Variants in ARHGAP44 observed in about 807,000 individuals in gnomAD.
ARHGAP44 encodes the protein Rho GTPase activating protein 44, also known as rho GTPase-activating protein 44.
Under a neutral mutation model 106.8 loss-of-function variants are expected in ARHGAP44, and 43 were observed. That is an observed-to-expected ratio of 0.40 (90% confidence interval 0.32 to 0.52). The LOEUF is 0.52. Among genes scored for constraint, ARHGAP44 ranks in the 20% least tolerant of loss-of-function variants. The pLI is 0.48. For synonymous variants in ARHGAP44, 439 were observed against 410.3 expected (o/e 1.07, Z -0.85); for missense variants, 866 against 1,050.5 (o/e 0.82, Z 2.43).
chr17:12,845,225 C>T (rs1188288439), intron 1 of ARHGAP44, among the ~76,000 whole-genome samples: 12 of 151,848 alleles, frequency 7.9e-5, no homozygotes, highest in Non-Finnish European at 1.5e-4. Flanking sequence ...AAAAAATCAT[C>T]TCGGCTGGGT....
At position 12,882,878 on chromosome 17, in the gene ARHGAP44, T is replaced by G. The variant is rs79744450; in HGVS notation, c.54-12062T>G. Among the ~76,000 whole-genome samples, 704 of 152,194 alleles carry G rather than the reference T, an allele frequency of 4.6e-3. 11 individuals carry two copies. Among genetic ancestry groups the G allele is most frequent in the East Asian group, 0.044 (228 of 5,178 alleles). Reference sequence around the variant, plus strand: ...TTTCTTTATACTGTCCTTTTCTAATTATGGTATCCAGTTATGCTTGTTTCT... The same window carrying G: ...TTTCTTTATACTGTCCTTTTCTAATGATGGTATCCAGTTATGCTTGTTTCT... On this transcript the variant is annotated intron_variant, in intron 1 of 20. Transcript: ENST00000379672.
intron 1 of ARHGAP44, among the ~76,000 whole-genome samples, chr17:12,824,868 G>A (rs1444827332): frequency 2.0e-5 from 3 of 151,432 alleles, no homozygotes; most frequent in Non-Finnish European, 2.9e-5. Context: ...TCATTTCCTA[G>A]TCTTCCAGAA....
chr17:12,960,565 C>CAAAAAAAAAA (rs373750247), intron 16 of ARHGAP44, among the ~76,000 whole-genome samples: 24,712 of 148,588 alleles, frequency 0.17, 2,349 homozygotes, highest in East Asian at 0.48. Flanking sequence ...GACTCCATCT[C>CAAAAAAAAAA]AAAGAAAAAA....
rs1213996557 is a variant in ARHGAP44, at chr17:12,919,739, T to C, written c.388-16T>C. On this transcript the variant is annotated splice_polypyrimidine_tract_variant and intron_variant, in intron 5 of 20. Coordinates refer to ENST00000379672, the MANE Select transcript of ARHGAP44 (RefSeq NM_014859.6). ...AGCTTCAGTTTAATTGTATCTTTTA[T>C]GTTGTGTAACCACAGGTGGAAATCC... 6.2e-7 allele frequency: 1 copy of C among 1,604,636 alleles called. No homozygotes were observed. The highest frequency in any genetic ancestry group is 1.1e-5 in the South Asian group (1 of 89,208).
chr17:12,905,075 T>G (rs1159691261), intron 3 of ARHGAP44, among the ~76,000 whole-genome samples: 1 of 151,118 alleles, frequency 6.6e-6, no homozygotes, highest in Non-Finnish European at 1.5e-5. Flanking sequence ...CTAATTTTTT[T>G]TTTTTTTTTT....
intron 1 of ARHGAP44, among the ~76,000 whole-genome samples, chr17:12,825,030 G>A (rs1321310292): frequency 6.6e-6 from 1 of 151,830 alleles, no homozygotes; most frequent in Non-Finnish European, 1.5e-5. Context: ...TCATTTATAT[G>A]ATTATTTGAT....
At chr17:12,868,002 A>G (rs1358715209) in intron 1 of ARHGAP44, among the ~76,000 whole-genome samples, 3 of 152,212 alleles carry the variant, frequency 2.0e-5, no homozygotes, top group Admixed American at 6.5e-5. Flanking sequence ...ATTTGCAGTG[A>G]CAAAGAGACG....
intron 1 of ARHGAP44, among the ~76,000 whole-genome samples, chr17:12,870,843 C>A (rs1390265604): frequency 6.6e-6 from 1 of 152,148 alleles, no homozygotes; most frequent in Non-Finnish European, 1.5e-5. Flanking sequence ...ATTTAAAACT[C>A]CCTGCAGTTA....
At chr17:12,840,594 C>T (rs1377449533) in intron 1 of ARHGAP44, among the ~76,000 whole-genome samples, 1 of 152,136 alleles carries the variant, frequency 6.6e-6, no homozygotes, top group African/African-American at 2.4e-5. Flanking sequence ...AGTAGGGTGA[C>T]TGAGGAGAGG....
intron 1 of ARHGAP44, among the ~76,000 whole-genome samples, chr17:12,854,499 G>A (rs1274650164): frequency 6.6e-6 from 1 of 152,148 alleles, no homozygotes; most frequent in African/African-American, 2.4e-5. Context: ...ATGTCCACTG[G>A]AGAAGATAAA....
At position 12,816,560 on chromosome 17, in the gene ARHGAP44, AATT is replaced by A. The variant is rs139965333; in HGVS notation, c.53+26674_53+26676del. Among the ~76,000 whole-genome samples, 678 of 152,324 alleles carry A rather than the reference AATT, an allele frequency of 4.5e-3. 3 individuals carry two copies. Among genetic ancestry groups the A allele is most frequent in the African/African-American group, 0.016 (647 of 41,570 alleles). ...AAAATTACTGCAAATGAATAATTAG[AATT>A]ATTAAGAGTTTAGCAAGCTTGCTCA... On this transcript the variant is annotated intron_variant, in intron 1 of 20. Transcript: ENST00000379672.
intron 10 of ARHGAP44, among the ~76,000 whole-genome samples, chr17:12,946,298 C>A (rs2038849594): frequency 6.6e-6 from 1 of 152,052 alleles, no homozygotes; most frequent in African/African-American, 2.4e-5. Context: ...GACATTATAT[C>A]ATTTCATTTA....
chr17:12,824,589 C>G (rs1017519902), intron 1 of ARHGAP44, among the ~76,000 whole-genome samples: 1 of 152,124 alleles, frequency 6.6e-6, no homozygotes, highest in African/African-American at 2.4e-5. Flanking sequence ...ATTTGATACT[C>G]TGGCCCTCTT....
chr17:12,811,485 T>C (rs9890425), intron 1 of ARHGAP44, among the ~76,000 whole-genome samples: 150,439 of 152,172 alleles, frequency 0.99, 74,373 homozygotes, highest in East Asian at 1. Flanking sequence ...AGAAGAGGTG[T>C]GGAGGTGGAA....
At chr17:12,917,658 C>T (rs1259207161) in intron 5 of ARHGAP44, among the ~76,000 whole-genome samples, 1 of 152,144 alleles carries the variant, frequency 6.6e-6, no homozygotes, top group African/African-American at 2.4e-5. Context: ...GCCTTTGAGG[C>T]ATCCATCAGT....
intron 7 of ARHGAP44, among the ~76,000 whole-genome samples, chr17:12,930,541 C>A (rs968535265): frequency 6.6e-6 from 1 of 151,978 alleles, no homozygotes; most frequent in Non-Finnish European, 1.5e-5. Flanking sequence ...CCTGGCCTAC[C>A]GTCTATTTTT....
At chr17:12,879,357 T>A (rs1364557081) in intron 1 of ARHGAP44, among the ~76,000 whole-genome samples, 4 of 152,338 alleles carry the variant, frequency 2.6e-5, no homozygotes, top group Non-Finnish European at 4.4e-5. Flanking sequence ...ATTTTCTTTA[T>A]CCACTCATTG....
At chr17:12,897,485 C>G (rs1037517682) in intron 3 of ARHGAP44, among the ~76,000 whole-genome samples, 1 of 150,796 alleles carries the variant, frequency 6.6e-6, no homozygotes, top group Non-Finnish European at 1.5e-5. Context: ...ATATTCCCAG[C>G]AGGAATCATT....
chr17:12,927,503 G>T (rs1256739278), intron 6 of ARHGAP44, among the ~76,000 whole-genome samples: 1 of 152,192 alleles, frequency 6.6e-6, no homozygotes, highest in Non-Finnish European at 1.5e-5. Context: ...CTGAGATCCA[G>T]ATAGAGCCCC....
Sources: gnomAD v4.1 joint callset for allele counts (sites outside exome capture counted in the v4.1 genomes callset) on GRCh38, gnomAD v4.1.1 for gene constraint, MANE v1.5 for transcripts, NCBI Gene and HGNC (gene_info 2026-07-23, HGNC 2026-07-21) for gene names.